Variants in CSMD1 observed in about 807,000 individuals in gnomAD.
CSMD1 encodes the protein CUB and Sushi multiple domains 1.
A neutral mutation model predicts 417.5 loss-of-function variants in CSMD1; 213 were observed. The observed-to-expected ratio is 0.51, with a 90% CI of 0.46 to 0.57. The LOEUF (loss-of-function observed/expected upper bound fraction) is 0.57. CSMD1 is among the 20% of genes least tolerant of loss of function. The pLI is 0.00. For missense variants in CSMD1, 6,923 were observed against 4,529.7 expected, an observed-to-expected ratio of 1.53 and a Z score of -15.17; for synonymous variants, 2,862 against 1,736.8, an observed-to-expected ratio of 1.65 and a Z score of -16.11.
chr8:2,963,661 T>C (rs546012579), intron 59 of CSMD1, among the ~76,000 whole-genome samples: 5 of 152,284 alleles, frequency 3.3e-5, no homozygotes, highest in Admixed American at 3.3e-4. Context: ...TCCCAATATA[T>C]ACAAGGCCAA....
intron 1 of CSMD1, among the ~76,000 whole-genome samples, chr8:4,954,079 T>C (rs780956516): frequency 3.3e-5 from 5 of 152,186 alleles, no homozygotes; most frequent in Non-Finnish European, 7.3e-5. Context: ...AAACATTTCT[T>C]CCATGTATCC....
At chr8:3,798,293 C>T (rs1054718751) in intron 5 of CSMD1, among the ~76,000 whole-genome samples, 1 of 151,872 alleles carries the variant, frequency 6.6e-6, no homozygotes, top group African/African-American at 2.4e-5. Flanking sequence ...GTTATTTCCT[C>T]TTAGGATTAG....
chr8:3,796,329 T>A (rs1329453996), intron 5 of CSMD1, among the ~76,000 whole-genome samples: 1 of 120,048 alleles, frequency 8.3e-6, no homozygotes, highest in African/African-American at 3.2e-5. Flanking sequence ...CTATCATGTA[T>A]AGATATAGAT....
intron 7 of CSMD1, among the ~76,000 whole-genome samples, chr8:3,646,873 G>T (rs560648249): frequency 1.3e-5 from 2 of 152,106 alleles, no homozygotes; most frequent in Non-Finnish European, 2.9e-5. Flanking sequence ...TGGGTCACAC[G>T]AGCCTGTTCC....
At chr8:4,162,906 C>A (rs572158357) in intron 3 of CSMD1, among the ~76,000 whole-genome samples, 1 of 152,284 alleles carries the variant, frequency 6.6e-6, no homozygotes, top group East Asian at 1.9e-4. Flanking sequence ...TCCCCTTCCT[C>A]CAACCCTTTG....
chr8:4,506,790 A>G (rs896988547), intron 2 of CSMD1, among the ~76,000 whole-genome samples: 1 of 152,190 alleles, frequency 6.6e-6, no homozygotes, highest in African/African-American at 2.4e-5. Context: ...TGAAAGAGCC[A>G]CCTCTAATTT....
At chr8:4,502,809 A>G (rs1471494455) in intron 2 of CSMD1, among the ~76,000 whole-genome samples, 3 of 152,104 alleles carry the variant, frequency 2.0e-5, no homozygotes, top group African/African-American at 7.2e-5. Flanking sequence ...TCACCAGTAA[A>G]TCCCCAGTGT....
rs558445259 is a variant in CSMD1 at position 3,223,986 on chromosome 8, C to G, written c.4346-119G>C. ...AAAAGACATCAGCATTTTTACCAGT[C>G]CAAGAGATTGTGTGTTGGTTATCAA... On this transcript the variant is annotated intron_variant, in intron 27 of 69. Transcript: ENST00000635120. 274 of 905,408 alleles carry G rather than the reference C, an allele frequency of 3.0e-4. No individual in the cohort carries two copies. The African/African-American group carries it at 4.3e-3, about 14-fold the overall frequency. 56.1% of individuals were successfully genotyped at this position (905,408 alleles called of 1,614,324 possible).
At chr8:4,638,218 C>G (rs1459826670) in intron 1 of CSMD1, among the ~76,000 whole-genome samples, 2 of 152,106 alleles carry the variant, frequency 1.3e-5, no homozygotes, top group Non-Finnish European at 1.5e-5. Flanking sequence ...TTAAAACACT[C>G]CACCCTAAAT....
chr8:3,469,256 C>G (rs186108477), intron 11 of CSMD1: 1 of 154,374 alleles, frequency 6.5e-6, no homozygotes, highest in East Asian at 1.9e-4. Context: ...GCATCTCTAT[C>G]ACAACAAATT....
chr8:4,288,923 T>C (rs371787083), intron 3 of CSMD1, among the ~76,000 whole-genome samples: 402 of 152,298 alleles, frequency 2.6e-3, no homozygotes, highest in South Asian at 9.7e-3. Context: ...TCATTCCATA[T>C]ATAACATTAA....
chr8:3,759,772 G>C (rs1323415422), intron 5 of CSMD1, among the ~76,000 whole-genome samples: 1 of 151,292 alleles, frequency 6.6e-6, no homozygotes, highest in Non-Finnish European at 1.5e-5. Context: ...GCCAGACATG[G>C]TGGCAGACTC....
chr8:3,021,154 G>C (rs1322286861), intron 51 of CSMD1, among the ~76,000 whole-genome samples: 2 of 152,188 alleles, frequency 1.3e-5, no homozygotes, highest in Non-Finnish European at 2.9e-5. Context: ...AGAGAAGCAA[G>C]ACCACCTCCC....
At chr8:3,416,848 G>A (rs1467156156) in intron 12 of CSMD1, among the ~76,000 whole-genome samples, 1 of 152,168 alleles carries the variant, frequency 6.6e-6, no homozygotes, top group Non-Finnish European at 1.5e-5. Context: ...AGCTTTATCA[G>A]GTTCTTTCTC....
chr8:4,116,471 C>G (rs1225692627), intron 3 of CSMD1, among the ~76,000 whole-genome samples: 2 of 133,734 alleles, frequency 1.5e-5, no homozygotes, highest in Non-Finnish European at 3.2e-5. Context: ...AACAAACGCG[C>G]CATGAATGAA....
intron 3 of CSMD1, among the ~76,000 whole-genome samples, chr8:4,289,124 T>TTACA (rs1209946162): frequency 1.3e-5 from 2 of 152,306 alleles, no homozygotes; most frequent in Middle Eastern, 3.4e-3. Context: ...CAAAATGAAT[T>TTACA]AACTAGTTAC....
chr8:3,388,000 A>T (rs534954079), intron 17 of CSMD1, among the ~76,000 whole-genome samples: 2 of 152,314 alleles, frequency 1.3e-5, no homozygotes, highest in South Asian at 4.1e-4. Context: ...AAAGTCTAAG[A>T]CTTTTCCTGT....
intron 2 of CSMD1, among the ~76,000 whole-genome samples, chr8:4,443,156 T>C (rs1279992124): frequency 6.6e-6 from 1 of 152,158 alleles, no homozygotes; most frequent in African/African-American, 2.4e-5. Flanking sequence ...TATTCCTCCT[T>C]TTAAATGGTA....
At chr8:4,710,191 G>C (rs570296882) in intron 1 of CSMD1, among the ~76,000 whole-genome samples, 333 of 151,864 alleles carry the variant, frequency 2.2e-3, no homozygotes, top group Non-Finnish European at 3.9e-3. Context: ...ACCAACACAA[G>C]ATAAAATATA....
Sources: allele counts gnomAD v4.1 joint callset (sites outside exome capture counted in the v4.1 genomes callset), GRCh38; gene constraint gnomAD v4.1.1; transcripts MANE v1.5; gene names NCBI Gene and HGNC (gene_info 2026-07-23, HGNC 2026-07-21).